ACP3: variants seen among roughly 807,000 people sequenced by gnomAD.
ACP3 encodes the protein prostatic acid phosphatase.
ACP3 carries 38 observed loss-of-function variants against 45.6 expected under a neutral mutation model. That is an observed-to-expected ratio of 0.83 (90% CI 0.64 to 1.09). The LOEUF (loss-of-function observed/expected upper bound fraction) is 1.09, where lower values mean the gene tolerates loss of function less well. Ranked by LOEUF, ACP3 falls within the 50% of genes least tolerant of loss-of-function variation. The pLI is 0.00. For missense variants in ACP3, 466 were observed against 463.2 expected (o/e 1.01, Z -0.05); for synonymous variants, 162 against 164.7 (o/e 0.98, Z 0.13).
At chr3:132,367,692 AT>A in intron 10 of ACP3, 1 of 1,570,230 alleles carries the variant, frequency 6.4e-7, no homozygotes, top group Non-Finnish European at 8.8e-7. Flanking sequence ...TACTTTTCCT[AT>A]TTTCCCACAG....
In ACP3 at chr3:132,352,951, G is replaced by GT. The variant is rs1937790987; in HGVS notation, c.968+129dup. On this transcript the variant is annotated intron_variant, in intron 9 of 9. Coordinates refer to ENST00000336375, the MANE Select transcript of ACP3 (RefSeq NM_001099.5). ...TTTATATTCAGAGGGAAGAATGGTGGTAACAAGATCTTTGCTAGTCATGTC... is the reference window on the plus strand; with the variant it reads ...TTTATATTCAGAGGGAAGAATGGTGGTTAACAAGATCTTTGCTAGTCATGTC... The GT allele has an allele frequency of 2.3e-5, 15 of 646,212 alleles. No individual in the cohort carries two copies. In the South Asian group the frequency reaches 2.6e-4, roughly 11 times the overall value. The allele number at this position is 646,212 out of a possible 1,614,324, so 40.0% of individuals were successfully genotyped here.
At chr3:132,366,927 A>G (rs1245124449) in intron 10 of ACP3, among the ~76,000 whole-genome samples, 1 of 152,298 alleles carries the variant, frequency 6.6e-6, no homozygotes, top group East Asian at 1.9e-4. Flanking sequence ...TCTATGCTGC[A>G]CTAGGGTTCT....
intron 1 of ACP3, among the ~76,000 whole-genome samples, chr3:132,317,868 C>G (rs1937138558): frequency 6.6e-6 from 1 of 152,228 alleles, no homozygotes; most frequent in Admixed American, 6.5e-5. Context: ...TTCCTTTTGA[C>G]AGCCACACCA....
At chr3:132,328,222 A>G (rs1347902696) in intron 1 of ACP3, 45 bp from the exon 2 acceptor site, 1 of 1,502,704 alleles carries the variant, frequency 6.7e-7, no homozygotes, top group African/African-American at 1.4e-5. Context: ...GAAGCAAAAC[A>G]CCCAAGTGAC....
intron 10 of ACP3, among the ~76,000 whole-genome samples, chr3:132,366,034 C>T (rs1413335349): frequency 6.6e-6 from 1 of 151,100 alleles, no homozygotes; most frequent in African/African-American, 2.4e-5. Flanking sequence ...GGTGTGGTGG[C>T]TCACGTCTGT....
intron 1 of ACP3, among the ~76,000 whole-genome samples, chr3:132,324,632 TA>T (rs199630058): frequency 2.2e-4 from 33 of 151,594 alleles, no homozygotes; most frequent in South Asian, 8.3e-4. Context: ...AAGGAATTAT[TA>T]TTTTTTTTTA....
At chr3:132,326,918 TCTTTC>T (rs1358875280) in intron 1 of ACP3, among the ~76,000 whole-genome samples, 1 of 152,228 alleles carries the variant, frequency 6.6e-6, no homozygotes, top group Non-Finnish European at 1.5e-5. Context: ...TTCAGTGTTT[TCTTTC>T]CTTATCTTTT....
Position 132,328,179 on chromosome 3 carries a change from G to GAGTT in ACP3, c.121-85_121-82dup, listed in dbSNP as rs372279879. 1.2e-4 allele frequency: 123 copies of GAGTT among 990,512 alleles called. No individual in the cohort carries two copies. The African/African-American group carries it at 1.8e-3, about 14-fold the overall frequency. 61.4% of individuals were successfully genotyped at this position (990,512 alleles called of 1,614,324 possible). ...ATGGGAAGCCAAAGTTAAAACCAAT[G>GAGTT]AGTTAGAAAAAAAAAAACTATTATA... On this transcript the variant is annotated intron_variant, in intron 1 of 9. Transcript: ENST00000336375.
rs528140156 is a variant in ACP3 at position 132,320,399 on chromosome 3, A to G, written c.120+2823A>G. 2.0e-5 allele frequency among the ~76,000 whole-genome samples: 3 copies of G among 152,234 alleles called. No individual in the cohort carries two copies. In the East Asian group the frequency reaches 5.8e-4, roughly 29 times the overall value. ...CTGCATAGCCACTCATTTCCCACAC[A>G]CACCCACTTGAGTTTTTTAAGTTAT... is the stretch of plus-strand genomic sequence containing the variant. On this transcript the variant is annotated intron_variant, in intron 1 of 9. Coordinates refer to ENST00000336375, the MANE Select transcript of ACP3 (RefSeq NM_001099.5).
chr3:132,352,857 A>G (rs1205388831), intron 9 of ACP3, 34 bp downstream of exon 9: 1 of 1,431,642 alleles, frequency 7.0e-7, no homozygotes, highest in South Asian at 1.1e-5. Flanking sequence ...AATCAGTATC[A>G]CTGGACCTTG....
intron 2 of ACP3, 57 bp from the exon 3 acceptor site, chr3:132,331,590 T>C (rs184855763): frequency 2.9e-4 from 390 of 1,357,932 alleles, no homozygotes; most frequent in Non-Finnish European, 3.7e-4. Context: ...ATTTTTATGA[T>C]AGTGTGATTC....
At chr3:132,319,173 G>A (rs1937160580) in intron 1 of ACP3, among the ~76,000 whole-genome samples, 1 of 151,914 alleles carries the variant, frequency 6.6e-6, no homozygotes, top group Admixed American at 6.6e-5. Flanking sequence ...CATCTTTCTT[G>A]GCCCTTATAA....
At chr3:132,335,670 A>G (rs1937477525) in intron 4 of ACP3, among the ~76,000 whole-genome samples, 1 of 152,152 alleles carries the variant, frequency 6.6e-6, no homozygotes, top group African/African-American at 2.4e-5. Context: ...TGGCTAGAAG[A>G]GGGGTAGAAG....
In ACP3 at chr3:132,334,878, G is replaced by A. The variant is rs577753957; in HGVS notation, c.456+2534G>A. 4.3e-3 allele frequency among the ~76,000 whole-genome samples: 659 copies of A among 152,298 alleles called. 2 individuals carry two copies. Among genetic ancestry groups the A allele is most frequent in the Non-Finnish European group, 5.9e-3 (398 of 68,022 alleles). ...TACCACTTCAGATATATGACCTTGA[G>A]TAACCTCCGTAAACCTCAGTTTCCT... On this transcript the variant is annotated intron_variant, in intron 4 of 9. Coordinates refer to ENST00000336375, the MANE Select transcript of ACP3 (RefSeq NM_001099.5).
At chr3:132,328,118 T>C in intron 1 of ACP3, 149 bp from the exon 2 acceptor site, 3 of 533,400 alleles carry the variant, frequency 5.6e-6, no homozygotes, top group Non-Finnish European at 1.0e-5. Flanking sequence ...TGAAAGCCAG[T>C]CCTCAGAATC....
In ACP3 at chr3:132,352,057, T is replaced by C. The variant is rs544671589; in HGVS notation, c.865-663T>C. ...ATAGAAAAATATAATCTAGCATTAA[T>C]GTGTTTCAAAATATTTCAAAAAGGC... On this transcript the variant is annotated intron_variant, in intron 8 of 9. Coordinates refer to ENST00000336375, the MANE Select transcript of ACP3 (RefSeq NM_001099.5). Among the ~76,000 whole-genome samples the C allele has an allele frequency of 8.5e-5, 13 of 152,346 alleles. No homozygotes were observed. In the East Asian group the frequency reaches 1.2e-3, roughly 14 times the overall value.
intron 4 of ACP3, among the ~76,000 whole-genome samples, chr3:132,337,182 G>C (rs950945515): frequency 1.3e-5 from 2 of 151,914 alleles, no homozygotes; most frequent in Non-Finnish European, 2.9e-5. Context: ...ATCGAGAAGT[G>C]TAAATATTTA....
At chr3:132,330,815 G>A (rs1937386648) in intron 2 of ACP3, among the ~76,000 whole-genome samples, 1 of 152,162 alleles carries the variant, frequency 6.6e-6, no homozygotes, top group South Asian at 2.1e-4. Flanking sequence ...AAAGCATGGT[G>A]CTCTACTACA....
chr3:132,321,295 A>G (rs1251659881), intron 1 of ACP3, among the ~76,000 whole-genome samples: 1 of 151,922 alleles, frequency 6.6e-6, no homozygotes, highest in African/African-American at 2.4e-5. Context: ...GCTGGTTAAC[A>G]TAGTAAGACC....
Sources: allele counts gnomAD v4.1 joint callset (sites outside exome capture counted in the v4.1 genomes callset), GRCh38; gene constraint gnomAD v4.1.1; transcripts MANE v1.5; gene names NCBI Gene and HGNC (gene_info 2026-07-23, HGNC 2026-07-21).